Variants in ANKRD36B observed in about 807,000 individuals in gnomAD.
The protein encoded by ANKRD36B is ankyrin repeat domain-containing protein 36B.
In ANKRD36B, 37 loss-of-function variants were observed where a neutral mutation model predicts 135.7. The observed-to-expected ratio is 0.27, with a 90% confidence interval of 0.21 to 0.36. The LOEUF (loss-of-function observed/expected upper bound fraction) is 0.36. ANKRD36B is among the 10% of genes least tolerant of loss of function. ANKRD36B has a pLI of 1.00. For synonymous variants in ANKRD36B, 179 were observed against 348.1 expected (o/e 0.51, Z 5.41); for missense variants, 549 against 1,037.1 (o/e 0.53, Z 6.46).
intron 24 of ANKRD36B, among the ~76,000 whole-genome samples, chr2:97,545,382 AT>A (rs2079363377): frequency 1.1e-5 from 1 of 95,176 alleles, no homozygotes; most frequent in African/African-American, 3.1e-5. Flanking sequence ...ATGCTGTAGA[AT>A]TAAAGCAAAA....
At position 97,556,923 on chromosome 2, in the gene ANKRD36B, T is replaced by G; in HGVS notation, c.1069+14A>C. ...TTGAGTGCACATGACATTAAATGTGTATTGCCAAATTACCTGTTCCAGATT... is the reference window on the plus strand; with the variant it reads ...TTGAGTGCACATGACATTAAATGTGGATTGCCAAATTACCTGTTCCAGATT... On this transcript the variant is annotated intron_variant, in intron 12 of 43. Coordinates refer to ENST00000359901, the MANE Select transcript of ANKRD36B (RefSeq NM_001393939.1). 17 of 1,577,860 alleles carry G rather than the reference T, an allele frequency of 1.1e-5. No homozygotes were observed. Among genetic ancestry groups the G allele is most frequent in the Non-Finnish European group, 1.5e-5 (17 of 1,161,588 alleles).
At chr2:97,559,698 T>C (rs2080852458) in intron 8 of ANKRD36B, among the ~76,000 whole-genome samples, 1 of 151,966 alleles carries the variant, frequency 6.6e-6, no homozygotes. Context: ...AATGTTAACA[T>C]ACTTCTACAA....
At chr2:97,554,536 C>T (rs1278562498) in intron 14 of ANKRD36B, among the ~76,000 whole-genome samples, 1 of 151,846 alleles carries the variant, frequency 6.6e-6, no homozygotes, top group Non-Finnish European at 1.5e-5. Flanking sequence ...CTCAGGTCTC[C>T]TCAGCAGAAA....
chr2:97,556,871 T>C (rs1250099452), intron 12 of ANKRD36B, 66 bp downstream of exon 12: 1 of 1,538,698 alleles, frequency 6.5e-7, no homozygotes, highest in Non-Finnish European at 8.8e-7. Flanking sequence ...CACTGATCTA[T>C]TCAGGGGTGG....
intron 6 of ANKRD36B, among the ~76,000 whole-genome samples, chr2:97,576,019 G>A (rs2082211463): frequency 6.7e-6 from 1 of 149,750 alleles, no homozygotes; most frequent in Non-Finnish European, 1.5e-5. Flanking sequence ...TAATTGCAAA[G>A]AATTTATTTT....
At chr2:97,554,984 C>A (rs1224787875) in intron 14 of ANKRD36B, 76 bp downstream of exon 14, 69 of 1,527,286 alleles carry the variant, frequency 4.5e-5, no homozygotes, top group Non-Finnish European at 4.2e-5. Flanking sequence ...TGAGCCCCCC[C>A]ACTGATTTAT....
In ANKRD36B at chr2:97,588,360, C is replaced by T. The variant is rs555106568; in HGVS notation, c.161+1165G>A. ...CGGTTTTCGCCATTACTTGTAATTG[C>T]GGCAAAAACCGCAATTGCTTTTGCA... On this transcript the variant is annotated intron_variant, in intron 1 of 43. Coordinates refer to ENST00000359901, the MANE Select transcript of ANKRD36B (RefSeq NM_001393939.1). Among the ~76,000 whole-genome samples, 329 of 151,804 alleles carry T rather than the reference C, an allele frequency of 2.2e-3. 2 individuals are homozygous for T. The highest frequency in any genetic ancestry group is 2.2e-3 in the Non-Finnish European group (147 of 67,842).
At chr2:97,573,484 A>C (rs2082022455) in intron 6 of ANKRD36B, among the ~76,000 whole-genome samples, 1 of 152,176 alleles carries the variant, frequency 6.6e-6, no homozygotes, top group Non-Finnish European at 1.5e-5. Flanking sequence ...TATAGATTCA[A>C]TGCCATCCCC....
intron 34 of ANKRD36B, among the ~76,000 whole-genome samples, chr2:97,533,076 CA>C (rs1364326498): frequency 2.1e-5 from 2 of 96,768 alleles, no homozygotes; most frequent in African/African-American, 6.2e-5. Context: ...TAATCATTTC[CA>C]AAATGACTGC....
Position 97,529,627 on chromosome 2 carries a change from G to A in ANKRD36B, c.2265+2684C>T, listed in dbSNP as rs1332688951. On this transcript the variant is annotated intron_variant, in intron 35 of 43. Transcript: ENST00000359901. ...GGAAGTCAAAATGTCCCTGTTTGCA[G>A]ACGACATGATTGTATATCTAGAAAA... 1.1e-3 allele frequency among the ~76,000 whole-genome samples: 106 copies of A among 96,094 alleles called. 32 individuals are homozygous for A. Among genetic ancestry groups the A allele is most frequent in the African/African-American group, 2.7e-3 (87 of 31,966 alleles). The allele number at this position is 96,094 out of a possible 152,430, so 63.0% of individuals were successfully genotyped here. A position where few individuals can be genotyped will look rare whatever the true frequency, so the allele number is the denominator to read the frequency against.
intron 6 of ANKRD36B, among the ~76,000 whole-genome samples, chr2:97,574,225 A>G (rs1411485340): frequency 8.5e-5 from 13 of 152,180 alleles, no homozygotes; most frequent in African/African-American, 2.7e-4. Context: ...AAAAGTGGGC[A>G]AAGGATATGA....
intron 20 of ANKRD36B, 26 bp from the exon 21 acceptor site, chr2:97,547,757 C>A: frequency 6.5e-7 from 1 of 1,548,958 alleles, no homozygotes; most frequent in African/African-American, 1.4e-5. Context: ...GATTCATAAT[C>A]ACTCATATGT....
chr2:97,566,496 G>C (rs1021687476), intron 6 of ANKRD36B, among the ~76,000 whole-genome samples: 1 of 152,070 alleles, frequency 6.6e-6, no homozygotes, highest in Non-Finnish European at 1.5e-5. Flanking sequence ...GGCAACTAAT[G>C]AATTAAGAAC....
chr2:97,574,915 A>C lies in ANKRD36B; in HGVS notation c.763+1464T>G, dbSNP rs2082127738. On this transcript the variant is annotated intron_variant, in intron 6 of 43. Coordinates refer to ENST00000359901, the MANE Select transcript of ANKRD36B (RefSeq NM_001393939.1). Reference sequence around the variant, plus strand: ...TGTGCACGTAGCTTCTGCAGTTACAAAAGGGTTACGCAGGATCTTGGTAGA... The same window carrying C: ...TGTGCACGTAGCTTCTGCAGTTACACAAGGGTTACGCAGGATCTTGGTAGA... Among the ~76,000 whole-genome samples, 3 of 152,184 alleles carry C rather than the reference A, an allele frequency of 2.0e-5. No homozygotes were observed. In the South Asian group the frequency reaches 6.2e-4, roughly 32 times the overall value.
intron 1 of ANKRD36B, among the ~76,000 whole-genome samples, chr2:97,585,700 G>GA (rs2082929897): frequency 6.6e-6 from 1 of 152,294 alleles, no homozygotes. Flanking sequence ...CTAGCCCACA[G>GA]AACACTGCTG....
chr2:97,495,933 A>G, intron 43 of ANKRD36B, among the ~76,000 whole-genome samples: 1 of 107,304 alleles, frequency 9.3e-6, no homozygotes, highest in Non-Finnish European at 2.6e-5. Flanking sequence ...TGTAAGCCAC[A>G]TTAGCCCCCA....
At chr2:97,581,255 G>A (rs1294655577) in intron 3 of ANKRD36B, among the ~76,000 whole-genome samples, 5 of 151,602 alleles carry the variant, frequency 3.3e-5, no homozygotes, top group African/African-American at 1.2e-4. Flanking sequence ...TAAAGGTAGA[G>A]GTTTCCTCTG....
chr2:97,576,002 C>A, intron 6 of ANKRD36B, among the ~76,000 whole-genome samples: 1 of 150,426 alleles, frequency 6.6e-6, no homozygotes, highest in East Asian at 1.9e-4. Flanking sequence ...ATTATTGATT[C>A]ATTTAGTAAT....
At chr2:97,587,396 GCTTA>G (rs1452114484) in intron 1 of ANKRD36B, among the ~76,000 whole-genome samples, 2 of 152,084 alleles carry the variant, frequency 1.3e-5, no homozygotes, top group African/African-American at 4.8e-5. Flanking sequence ...CACATATTTG[GCTTA>G]CTAACACCAT....
Sources: allele counts gnomAD v4.1 joint callset (sites outside exome capture counted in the v4.1 genomes callset), GRCh38; gene constraint gnomAD v4.1.1; transcripts MANE v1.5; gene names NCBI Gene and HGNC (gene_info 2026-07-23, HGNC 2026-07-21).